The following NTRK2 variants were observed in gnomAD, a reference collection of about 807,000 sequenced individuals.
NTRK2 encodes the protein neurotrophic receptor tyrosine kinase 2.
NTRK2 carries 13 observed loss-of-function variants against 94.5 expected under a neutral mutation model. The ratio of observed to expected loss-of-function variants is 0.14; its 90% confidence interval spans 0.09 to 0.22. The LOEUF is 0.22. NTRK2 is among the 10% of genes least tolerant of loss of function. The probability of loss-of-function intolerance (pLI) is 1.00; values close to 1 mark genes in which losing one functional copy is unlikely to be tolerated. For synonymous variants in NTRK2, 372 were observed against 407.4 expected, an observed-to-expected ratio of 0.91 and a Z score of 1.05; for missense variants, 639 against 1,071.2, an observed-to-expected ratio of 0.60 and a Z score of 5.63.
chr9:84,801,824 T>C (rs1426607497), intron 12 of NTRK2, among the ~76,000 whole-genome samples: 1 of 152,208 alleles, frequency 6.6e-6, no homozygotes, highest in Admixed American at 6.5e-5. Flanking sequence ...TAAATGGCCA[T>C]AATTGTGATG....
Position 84,955,449 on chromosome 9 carries a change from G to A in NTRK2, c.2104G>A (p.Glu702Lys), listed in dbSNP as rs1490499624. ...GGCCACCAGGAACTGCCTGGTCGGG[G>A]AGAACTTGCTGGTGAAAATCGGGGA... The part of the protein sequence containing the change: ...DLATRNCLVG[E>K]NLLVKIGDFG... The change falls in exon 17 of 19, where the codon GAG becomes AAG. Residue 702 changes from glutamate (E) to lysine (K), a missense_variant. Transcript: ENST00000277120. 1.2e-6 allele frequency: 2 copies of A among 1,614,262 alleles called. No homozygotes were observed. Among genetic ancestry groups the A allele is most frequent in the Admixed American group, 1.7e-5 (1 of 60,038 alleles).
intron 14 of NTRK2, among the ~76,000 whole-genome samples, chr9:84,924,512 A>G (rs1270215273): frequency 6.6e-6 from 1 of 152,214 alleles, no homozygotes; most frequent in Non-Finnish European, 1.5e-5. Context: ...GTATTGTTCC[A>G]GCGGGGAGAG....
intron 14 of NTRK2, among the ~76,000 whole-genome samples, chr9:84,918,960 C>T (rs17390220): frequency 6.6e-6 from 1 of 152,136 alleles, no homozygotes; most frequent in East Asian, 1.9e-4. Flanking sequence ...CATTAAGGAA[C>T]CTGCAATAGC....
chr9:85,001,955 G>A (rs765411342), intron 17 of NTRK2, among the ~76,000 whole-genome samples: 22 of 152,282 alleles, frequency 1.4e-4, no homozygotes, highest in Middle Eastern at 3.4e-3. Context: ...AGAGGTATGC[G>A]GGGAAGGGGA....
chr9:84,930,805 G>C (rs776663563), intron 14 of NTRK2, among the ~76,000 whole-genome samples: 1 of 152,106 alleles, frequency 6.6e-6, no homozygotes, highest in African/African-American at 2.4e-5. Context: ...GTTGGGATGA[G>C]TTTTGATGCC....
chr9:85,012,464 T>C (rs1831726258), intron 17 of NTRK2, among the ~76,000 whole-genome samples: 1 of 152,138 alleles, frequency 6.6e-6, no homozygotes, highest in South Asian at 2.1e-4. Context: ...CTAAAGCAAG[T>C]CCTCCCCTCC....
intron 15 of NTRK2, among the ~76,000 whole-genome samples, chr9:84,942,113 G>GC (rs55843314): frequency 0.061 from 9,238 of 152,212 alleles, 371 homozygotes; most frequent in Admixed American, 0.12. Flanking sequence ...CTAGCACATA[G>GC]CAAGCACAAT....
chr9:85,004,046 G>A (rs375841849), intron 17 of NTRK2, among the ~76,000 whole-genome samples: 2,016 of 40,846 alleles, frequency 0.049, 8 homozygotes, highest in African/African-American at 0.073. Context: ...AGAAAGAAAG[G>A]GAGAAAGAGA....
chr9:84,924,231 GAAAGAAAGAA>G (rs2077668418), intron 14 of NTRK2, among the ~76,000 whole-genome samples: 1 of 32,024 alleles, frequency 3.1e-5, no homozygotes, highest in Non-Finnish European at 7.0e-5. Flanking sequence ...AAAGAAAGTA[GAAAGAAAGAA>G]AGAAAGAAAG....
intron 14 of NTRK2, among the ~76,000 whole-genome samples, chr9:84,895,134 C>G (rs745572078): frequency 4.6e-5 from 7 of 152,238 alleles, no homozygotes; most frequent in Non-Finnish European, 1.5e-5. Flanking sequence ...TCGTGGACTT[C>G]GTACTCTTAA....
chr9:84,944,836 ATCATCAAATGTCCCTC>A (rs972507139), intron 15 of NTRK2, among the ~76,000 whole-genome samples: 2 of 152,230 alleles, frequency 1.3e-5, no homozygotes, highest in Non-Finnish European at 2.9e-5. Flanking sequence ...TCAAATTCAA[ATCATCAAATGTCCCTC>A]TCTACCAAGG....
intron 12 of NTRK2, among the ~76,000 whole-genome samples, chr9:84,782,765 A>G (rs1334756633): frequency 1.3e-5 from 2 of 152,202 alleles, no homozygotes; most frequent in Non-Finnish European, 2.9e-5. Context: ...ACTCTGGAGT[A>G]TAACGGTTCA....
chr9:84,781,763 A>G (rs2067593023), intron 12 of NTRK2, among the ~76,000 whole-genome samples: 1 of 152,192 alleles, frequency 6.6e-6, no homozygotes, highest in African/African-American at 2.4e-5. Context: ...TTTTAAGTCT[A>G]TACTTCATTT....
intron 13 of NTRK2, among the ~76,000 whole-genome samples, chr9:84,862,178 A>C (rs909852345): frequency 6.6e-6 from 1 of 152,190 alleles, no homozygotes; most frequent in African/African-American, 2.4e-5. Flanking sequence ...TGGCAAAGTT[A>C]GAACATGAAG....
chr9:84,838,504 A>G (rs760486363), intron 12 of NTRK2, among the ~76,000 whole-genome samples: 9 of 152,186 alleles, frequency 5.9e-5, no homozygotes, highest in Non-Finnish European at 1.3e-4. Flanking sequence ...TTTATGCAGT[A>G]AAAATGATGA....
chr9:84,821,762 C>G (rs1243306277), intron 12 of NTRK2, among the ~76,000 whole-genome samples: 1 of 150,856 alleles, frequency 6.6e-6, no homozygotes. Context: ...ATAAAATAAC[C>G]AGCCTGAAGG....
chr9:84,683,495 C>T (rs2059517426), intron 2 of NTRK2, among the ~76,000 whole-genome samples: 1 of 152,136 alleles, frequency 6.6e-6, no homozygotes, highest in Non-Finnish European at 1.5e-5. Context: ...CCAGCTTCAT[C>T]CATGTCCCTA....
chr9:84,711,284 C>T (rs1416726130), intron 6 of NTRK2, among the ~76,000 whole-genome samples: 1 of 152,180 alleles, frequency 6.6e-6, no homozygotes, highest in African/African-American at 2.4e-5. Context: ...TGATGGGGTG[C>T]CCCAAGTCTG....
chr9:85,020,160 G>T (rs1207139104), intron 17 of NTRK2, 46 bp from the exon 18 acceptor site: 2 of 1,610,148 alleles, frequency 1.2e-6, no homozygotes, highest in Admixed American at 3.3e-5. Flanking sequence ...TTCCACACCT[G>T]GTTTCGGGGT....
Sources: gnomAD v4.1 joint callset for allele counts (sites outside exome capture counted in the v4.1 genomes callset) on GRCh38, gnomAD v4.1.1 for gene constraint, MANE v1.5 for transcripts, NCBI Gene and HGNC (gene_info 2026-07-23, HGNC 2026-07-21) for gene names.